Variants in XNDC1N observed in about 807,000 individuals in gnomAD.
XNDC1N encodes the protein XRCC1 N-terminal domain containing 1, N-terminal like.
At chr11:71,919,399 T>C in the XNDC1N span, among the ~76,000 whole-genome samples, 1 of 151,656 alleles carries the variant, frequency 6.6e-6, no homozygotes, top group Non-Finnish European at 1.5e-5. Flanking sequence ...CTTTTTTTTT[T>C]TTTTTTTGAG....
chr11:71,882,546 A>G, the XNDC1N span, among the ~76,000 whole-genome samples: 1 of 152,242 alleles, frequency 6.6e-6, no homozygotes, highest in African/African-American at 2.4e-5. Context: ...TCTAAATTAA[A>G]GTAAAAATAC....
chr11:71,897,974 G>A, the XNDC1N span, among the ~76,000 whole-genome samples: 1 of 152,212 alleles, frequency 6.6e-6, no homozygotes, highest in Admixed American at 6.5e-5. Flanking sequence ...CCTGAGGTCA[G>A]GAATTCAAGA....
the XNDC1N span, among the ~76,000 whole-genome samples, chr11:71,889,825 G>A: frequency 6.6e-6 from 1 of 152,188 alleles, no homozygotes. Flanking sequence ...TAACAAGTAT[G>A]TAGTAGTTCT....
the XNDC1N span, among the ~76,000 whole-genome samples, chr11:71,897,067 C>T: frequency 5.3e-4 from 80 of 152,266 alleles, 1 homozygote; most frequent in African/African-American, 1.7e-3. Flanking sequence ...ACACCAGGTG[C>T]AAAAATTAAC....
chr11:71,903,235 C>T, the XNDC1N span: 2 of 918,042 alleles, frequency 2.2e-6, no homozygotes, highest in East Asian at 2.4e-5. Flanking sequence ...TCCTTCTCCT[C>T]GAACTCTCAG....
At chr11:71,922,604 A>C in the XNDC1N span, among the ~76,000 whole-genome samples, 1 of 152,212 alleles carries the variant, frequency 6.6e-6, no homozygotes, top group East Asian at 1.9e-4. Context: ...GCCTGGTCTA[A>C]GGATCTCCTT....
At chr11:71,911,885 T>G in the XNDC1N span, among the ~76,000 whole-genome samples, 12 of 152,212 alleles carry the variant, frequency 7.9e-5, no homozygotes, top group Non-Finnish European at 1.5e-4. Context: ...TGGGCATCAG[T>G]GCTCCCTCAA....
At chr11:71,894,621 C>T in the XNDC1N span, among the ~76,000 whole-genome samples, 3 of 152,168 alleles carry the variant, frequency 2.0e-5, no homozygotes, top group Non-Finnish European at 4.4e-5. Flanking sequence ...ATGACTGAAT[C>T]CTCTATACCT....
the XNDC1N span, among the ~76,000 whole-genome samples, chr11:71,910,374 T>C: frequency 2.6e-5 from 4 of 152,162 alleles, no homozygotes; most frequent in Admixed American, 6.5e-5. Flanking sequence ...GCAGAAGCTG[T>C]TTGCCTTTCA....
chr11:71,865,922 A>T, the XNDC1N span: 2 of 426,200 alleles, frequency 4.7e-6, no homozygotes, highest in Non-Finnish European at 4.6e-6. Context: ...AAGTTCTCTG[A>T]GGGCAACATT....
At chr11:71,893,430 C>A in the XNDC1N span, 1 of 711,914 alleles carries the variant, frequency 1.4e-6, no homozygotes, top group South Asian at 1.5e-5. Context: ...TTTATTTTTC[C>A]AATCCTCTTT....
chr11:71,900,977 C>T, the XNDC1N span, among the ~76,000 whole-genome samples: 2 of 152,168 alleles, frequency 1.3e-5, no homozygotes, highest in Non-Finnish European at 2.9e-5. Context: ...CTCAAATCCT[C>T]GTCACTCAGG....
the XNDC1N span, among the ~76,000 whole-genome samples, chr11:71,925,654 C>T: frequency 4.6e-5 from 7 of 152,250 alleles, no homozygotes; most frequent in Admixed American, 2.0e-4. Context: ...CTGAGCCAGG[C>T]GCGGTGGCTC....
chr11:71,895,501 A>G, the XNDC1N span, among the ~76,000 whole-genome samples: 94 of 73,852 alleles, frequency 1.3e-3, no homozygotes, highest in African/African-American at 5.2e-3. Context: ...TTTTTTTTGT[A>G]TTGTTAATAG....
At chr11:71,880,092 T>C in the XNDC1N span, among the ~76,000 whole-genome samples, 1 of 152,148 alleles carries the variant, frequency 6.6e-6, no homozygotes, top group Non-Finnish European at 1.5e-5. Flanking sequence ...ATATAAATGA[T>C]GGAATCTTGA....
At chr11:71,908,017 T>G in the XNDC1N span, among the ~76,000 whole-genome samples, 1 of 152,196 alleles carries the variant, frequency 6.6e-6, no homozygotes, top group Non-Finnish European at 1.5e-5. Flanking sequence ...TTCGGATCAA[T>G]GTCACTGGCT....
At chr11:71,903,187 C>T in the XNDC1N span, 55 of 717,932 alleles carry the variant, frequency 7.7e-5, no homozygotes, top group African/African-American at 3.8e-4. Flanking sequence ...TGTATCCAAA[C>T]GATACAGACC....
the XNDC1N span, among the ~76,000 whole-genome samples, chr11:71,891,025 C>T: frequency 6.6e-6 from 1 of 151,946 alleles, no homozygotes; most frequent in Non-Finnish European, 1.5e-5. Context: ...TCCTCTCTTC[C>T]CCTGGACATT....
chr11:71,891,890 A>T, the XNDC1N span, among the ~76,000 whole-genome samples: 2 of 151,928 alleles, frequency 1.3e-5, no homozygotes, highest in East Asian at 3.9e-4. Flanking sequence ...GTGTTTACAA[A>T]CAGGGGTGGT....
Sources: gnomAD v4.1 joint callset for allele counts (sites outside exome capture counted in the v4.1 genomes callset) on GRCh38, gnomAD v4.1.1 for gene constraint, MANE v1.5 for transcripts, NCBI Gene and HGNC (gene_info 2026-07-23, HGNC 2026-07-21) for gene names.